Variants in RBFOX1 observed in about 807,000 individuals in gnomAD.
RBFOX1 encodes RNA binding fox-1 homolog 1.
A neutral mutation model predicts 57.7 loss-of-function variants in RBFOX1; 8 were observed. That is an observed-to-expected ratio of 0.14 (90% CI 0.08 to 0.25). The LOEUF is 0.25. Among genes scored for constraint, RBFOX1 ranks in the 10% least tolerant of loss-of-function variants. The probability of loss-of-function intolerance (pLI) is 1.00; values close to 1 mark genes in which losing one functional copy is unlikely to be tolerated. For missense variants in RBFOX1, 611 were observed against 548.5 expected (o/e 1.11, Z -1.14); for synonymous variants, 326 against 222.4 (o/e 1.47, Z -4.15).
intron 3 of RBFOX1, among the ~76,000 whole-genome samples, chr16:5,776,360 G>A (rs556272403): frequency 2.0e-5 from 3 of 152,310 alleles, no homozygotes; most frequent in African/African-American, 7.2e-5. Context: ...GTTGTTTGCA[G>A]AATGTTGCAT....
chr16:7,666,170 C>T (rs975799033), intron 13 of RBFOX1, among the ~76,000 whole-genome samples: 1 of 152,056 alleles, frequency 6.6e-6, no homozygotes, highest in African/African-American at 2.4e-5. Flanking sequence ...GTCTGAAGCC[C>T]ATTCATTTCC....
chr16:7,196,377 C>T (rs1027849944), intron 4 of RBFOX1, among the ~76,000 whole-genome samples: 1 of 152,156 alleles, frequency 6.6e-6, no homozygotes, highest in Non-Finnish European at 1.5e-5. Flanking sequence ...CCCCTCTCCC[C>T]AGCCCCATTT....
At chr16:5,570,282 G>C (rs1230706737) in intron 2 of RBFOX1, among the ~76,000 whole-genome samples, 1 of 152,018 alleles carries the variant, frequency 6.6e-6, no homozygotes, top group East Asian at 1.9e-4. Flanking sequence ...TCCTGTTTTT[G>C]TCATTTGCAA....
chr16:7,086,182 A>ATG (rs1329518956), intron 4 of RBFOX1, among the ~76,000 whole-genome samples: 4 of 152,076 alleles, frequency 2.6e-5, no homozygotes, highest in African/African-American at 9.7e-5. Context: ...CATGCTGCCA[A>ATG]TGATTCCACA....
intron 1 of RBFOX1, among the ~76,000 whole-genome samples, chr16:5,291,260 G>GT (rs2063527428): frequency 4.5e-5 from 5 of 110,532 alleles, no homozygotes; most frequent in Admixed American, 9.1e-5. Flanking sequence ...TTTTATCATT[G>GT]GTTTTTTTTT....
chr16:5,490,078 C>T lies in RBFOX1; in HGVS notation c.258+22824C>T, dbSNP rs114388375. 6.8e-3 allele frequency among the ~76,000 whole-genome samples: 1,033 copies of T among 152,310 alleles called. 13 individuals carry two copies. Among genetic ancestry groups the T allele is most frequent in the African/African-American group, 0.023 (970 of 41,572 alleles). ...AGCCACTGACCTGGTCTGAACCTGTCCTCAGCTTCTACTGTGGCAGAGCTT... is the reference window on the plus strand; with the variant it reads ...AGCCACTGACCTGGTCTGAACCTGTTCTCAGCTTCTACTGTGGCAGAGCTT... On this transcript the variant is annotated intron_variant, in intron 2 of 2. Coordinates refer to the RBFOX1 transcript ENST00000585867.
Position 6,872,665 on chromosome 16 carries a change from A to G in RBFOX1, c.-15-179392A>G, listed in dbSNP as rs567192568. Among the ~76,000 whole-genome samples the G allele has an allele frequency of 2.0e-5, 3 of 152,362 alleles. No homozygotes were observed. The East Asian group carries it at 5.8e-4, about 29-fold the overall frequency. On this transcript the variant is annotated intron_variant, in intron 3 of 15. Transcript: ENST00000550418. ...AACGGTTAAAGTAGAATGATTGGAC[A>G]CTGTCACTGCTAGCAAAATTATAAT...
chr16:6,530,849 C>T (rs1308490507), intron 2 of RBFOX1, among the ~76,000 whole-genome samples: 1 of 152,070 alleles, frequency 6.6e-6, no homozygotes, highest in African/African-American at 2.4e-5. Context: ...CGGATCCCTC[C>T]TACAACATGT....
At chr16:6,514,007 G>C (rs556400488) in intron 2 of RBFOX1, among the ~76,000 whole-genome samples, 16 of 152,152 alleles carry the variant, frequency 1.1e-4, no homozygotes, top group Non-Finnish European at 1.9e-4. Context: ...TGCAAATGGC[G>C]CATGTCCACC....
chr16:7,290,141 A>G (rs1368276598), intron 4 of RBFOX1, among the ~76,000 whole-genome samples: 1 of 152,226 alleles, frequency 6.6e-6, no homozygotes, highest in African/African-American at 2.4e-5. Flanking sequence ...AATTCCATCT[A>G]TAAGAGAGAT....
At chr16:5,652,618 C>A (rs2049277689) in intron 3 of RBFOX1, among the ~76,000 whole-genome samples, 2 of 152,192 alleles carry the variant, frequency 1.3e-5, no homozygotes, top group African/African-American at 4.8e-5. Context: ...TCAGCCCCCA[C>A]CCACTCACCC....
intron 3 of RBFOX1, among the ~76,000 whole-genome samples, chr16:5,699,008 GAC>G (rs2050939213): frequency 8.7e-6 from 1 of 114,916 alleles, no homozygotes; most frequent in South Asian, 2.7e-4. Flanking sequence ...TTTTTTTTGA[GAC>G]AGAGTCTTGC....
In RBFOX1 at chr16:5,936,902, C is replaced by T. The variant is rs139048895; in HGVS notation, c.351+69567C>T. ...AGGGCTTTGGGACTGGGGGTGTTGA[C>T]CAGGCTTACCTTCATCTCAAGGGAC... On this transcript the variant is annotated intron_variant, in intron 4 of 19. Coordinates refer to the RBFOX1 transcript ENST00000641259. 4.6e-5 allele frequency among the ~76,000 whole-genome samples: 7 copies of T among 152,240 alleles called. No homozygotes were observed. The East Asian group carries it at 7.7e-4, about 17-fold the overall frequency.
chr16:6,031,799 A>C (rs762384153), intron 1 of RBFOX1, among the ~76,000 whole-genome samples: 4 of 152,228 alleles, frequency 2.6e-5, no homozygotes, highest in Non-Finnish European at 4.4e-5. Flanking sequence ...TGCAGAGCAT[A>C]GCTCTGTTTT....
chr16:5,507,317 C>T (rs2043412626), intron 2 of RBFOX1, among the ~76,000 whole-genome samples: 1 of 152,062 alleles, frequency 6.6e-6, no homozygotes. Context: ...GATTTTCTCT[C>T]ACTGCTCCCC....
intron 3 of RBFOX1, among the ~76,000 whole-genome samples, chr16:5,858,876 T>G (rs1046633558): frequency 2.0e-5 from 3 of 152,080 alleles, no homozygotes; most frequent in African/African-American, 7.2e-5. Context: ...CAGGCCAGAA[T>G]AGAAGAGAAA....
intron 2 of RBFOX1, among the ~76,000 whole-genome samples, chr16:6,594,050 A>G (rs2097753339): frequency 6.6e-6 from 1 of 152,158 alleles, no homozygotes; most frequent in East Asian, 1.9e-4. Context: ...AGGGAACATC[A>G]CACTGTTTGA....
chr16:6,165,605 A>C (rs1320587430), intron 1 of RBFOX1, among the ~76,000 whole-genome samples: 2 of 152,218 alleles, frequency 1.3e-5, no homozygotes, highest in African/African-American at 2.4e-5. Context: ...CTAAAATGTC[A>C]GGGTGTTGTA....
chr16:6,689,588 C>G (rs1306076607), intron 3 of RBFOX1, among the ~76,000 whole-genome samples: 1 of 152,092 alleles, frequency 6.6e-6, no homozygotes. Flanking sequence ...ATGACAATGT[C>G]TACTATAAAC....
Sources: allele counts gnomAD v4.1 joint callset (sites outside exome capture counted in the v4.1 genomes callset), GRCh38; gene constraint gnomAD v4.1.1; transcripts MANE v1.5; gene names NCBI Gene and HGNC (gene_info 2026-07-23, HGNC 2026-07-21).